The following CBFA2T2 variants were observed in gnomAD, a reference collection of about 807,000 sequenced individuals.
CBFA2T2 encodes CBFA2/RUNX1 partner transcriptional co-repressor 2, also known as protein CBFA2T2.
CBFA2T2 carries 11 observed loss-of-function variants against 62.2 expected under a neutral mutation model. That is an observed-to-expected ratio of 0.18 (90% CI 0.11 to 0.29). The LOEUF (loss-of-function observed/expected upper bound fraction) is 0.29. CBFA2T2 is among the 10% of genes least tolerant of loss of function. The pLI is 1.00. For missense variants in CBFA2T2, 592 were observed against 774.1 expected (o/e 0.76, Z 2.79); for synonymous variants, 295 against 287.5 (o/e 1.03, Z -0.27).
chr20:33,598,845 T>C (rs1166316974), intron 1 of CBFA2T2, among the ~76,000 whole-genome samples: 2 of 152,266 alleles, frequency 1.3e-5, no homozygotes, highest in Non-Finnish European at 2.9e-5. Context: ...ATCCACCTTC[T>C]TCTGCCATGG....
chr20:33,490,935 C>G (rs1261650404), intron 1 of CBFA2T2, among the ~76,000 whole-genome samples: 2 of 152,218 alleles, frequency 1.3e-5, no homozygotes, highest in African/African-American at 4.8e-5. Flanking sequence ...TTGTAATCGT[C>G]CTTTATTAAT....
chr20:33,632,679 C>A (rs1380308983), intron 8 of CBFA2T2, among the ~76,000 whole-genome samples: 2 of 151,178 alleles, frequency 1.3e-5, no homozygotes, highest in Admixed American at 6.6e-5. Flanking sequence ...CAATTCCTAA[C>A]CTTGTGATCC....
chr20:33,590,808 G>C (rs149954069), intron 1 of CBFA2T2, among the ~76,000 whole-genome samples: 4 of 152,050 alleles, frequency 2.6e-5, no homozygotes, highest in Non-Finnish European at 5.9e-5. Context: ...CTTTCTTTGC[G>C]CTGGGGGAAT....
rs1600933146 is a variant in CBFA2T2 at position 33,529,118 on chromosome 20, C to T, written c.34+38817C>T. 2.6e-5 allele frequency among the ~76,000 whole-genome samples: 4 copies of T among 152,136 alleles called. No individual in the cohort carries two copies. In the South Asian group the frequency reaches 6.2e-4, roughly 24 times the overall value. On this transcript the variant is annotated intron_variant, in intron 1 of 10. Transcript: ENST00000342704. Reference sequence around the variant, plus strand: ...TCAGTTCACTGCAAGCTCCGCCTACCGGGTTTACGCCATTCTCCTGCCTCA... The same window carrying T: ...TCAGTTCACTGCAAGCTCCGCCTACTGGGTTTACGCCATTCTCCTGCCTCA...
chr20:33,617,443 C>T (rs1051077748), intron 3 of CBFA2T2, among the ~76,000 whole-genome samples: 10 of 152,188 alleles, frequency 6.6e-5, no homozygotes, highest in Non-Finnish European at 1.3e-4. Flanking sequence ...GTTTATCCCT[C>T]TCATACAGGA....
chr20:33,582,476 G>A (rs1391877125), intron 1 of CBFA2T2, among the ~76,000 whole-genome samples: 3 of 149,328 alleles, frequency 2.0e-5, no homozygotes, highest in African/African-American at 4.9e-5. Flanking sequence ...CAACAAGAGC[G>A]AAACTCTATC....
chr20:33,495,133 C>T (rs199709876), intron 1 of CBFA2T2, among the ~76,000 whole-genome samples: 2 of 151,752 alleles, frequency 1.3e-5, no homozygotes, highest in African/African-American at 2.4e-5. Flanking sequence ...TATGGTGGCT[C>T]GCGCCTGTAA....
chr20:33,547,450 C>G (rs991041894), intron 1 of CBFA2T2, among the ~76,000 whole-genome samples: 3 of 152,118 alleles, frequency 2.0e-5, no homozygotes, highest in Non-Finnish European at 2.9e-5. Context: ...TGCCTGTAAT[C>G]CCAGCACTTT....
chr20:33,579,412 A>G (rs1312218049), intron 1 of CBFA2T2, among the ~76,000 whole-genome samples: 1 of 151,344 alleles, frequency 6.6e-6, no homozygotes, highest in Non-Finnish European at 1.5e-5. Context: ...GAAAACTTTA[A>G]TTTTCGTGAA....
chr20:33,538,418 C>T (rs1040667933), intron 1 of CBFA2T2, among the ~76,000 whole-genome samples: 3 of 151,948 alleles, frequency 2.0e-5, no homozygotes, highest in Non-Finnish European at 2.9e-5. Context: ...CTCACCCAGA[C>T]TGGAGTGCAG....
rs146671653 is a variant in CBFA2T2 at position 33,555,390 on chromosome 20, C to T, written c.35-51566C>T. Among the ~76,000 whole-genome samples, 470 of 152,272 alleles carry T rather than the reference C, an allele frequency of 3.1e-3. 5 individuals carry two copies. The highest frequency in any genetic ancestry group is 1.5e-3 in the Non-Finnish European group (100 of 68,028). Reference sequence around the variant, plus strand: ...ACTGACACACATGTTCACTTAATACCCACAAGAGTGTCTTCACACTTTTTT... The same window carrying T: ...ACTGACACACATGTTCACTTAATACTCACAAGAGTGTCTTCACACTTTTTT... On this transcript the variant is annotated intron_variant, in intron 1 of 10. Coordinates refer to ENST00000342704, the MANE Select transcript of CBFA2T2 (RefSeq NM_001032999.3).
intron 1 of CBFA2T2, among the ~76,000 whole-genome samples, chr20:33,541,792 T>C (rs1232394793): frequency 6.6e-6 from 1 of 152,230 alleles, no homozygotes; most frequent in Non-Finnish European, 1.5e-5. Context: ...CTTGTTACTT[T>C]TTATTATATC....
chr20:33,642,254 G>A (rs990192361), intron 10 of CBFA2T2, among the ~76,000 whole-genome samples: 1 of 151,786 alleles, frequency 6.6e-6, no homozygotes, highest in Non-Finnish European at 1.5e-5. Context: ...CCTAAGAGCT[G>A]GGATTACAGG....
At chr20:33,611,392 G>A in intron 3 of CBFA2T2, 57 bp downstream of exon 3, 2 of 1,595,172 alleles carry the variant, frequency 1.3e-6, no homozygotes, top group South Asian at 1.1e-5. Flanking sequence ...CAGGTCCAAA[G>A]CGAGCAAAGT....
chr20:33,632,783 G>T (rs2016499795), intron 8 of CBFA2T2, among the ~76,000 whole-genome samples: 1 of 150,688 alleles, frequency 6.6e-6, no homozygotes, highest in African/African-American at 2.4e-5. Context: ...TAGTGTTTTT[G>T]TTTGAGACGG....
At position 33,527,707 on chromosome 20, in the gene CBFA2T2, T is replaced by C. The variant is rs185799123; in HGVS notation, c.34+37406T>C. The stretch of plus-strand genomic sequence containing the variant: ...ATTGTTTTTTCTTTTCTTTTCTTTT[T>C]TTTTTGTTGTATTTTTAGTAGAGAC... On this transcript the variant is annotated intron_variant, in intron 1 of 10. Coordinates refer to ENST00000342704, the MANE Select transcript of CBFA2T2 (RefSeq NM_001032999.3). Among the ~76,000 whole-genome samples the C allele has an allele frequency of 4.0e-3, 600 of 151,766 alleles. 3 individuals carry two copies. Among genetic ancestry groups the C allele is most frequent in the African/African-American group, 7.9e-3 (326 of 41,342 alleles).
intron 4 of CBFA2T2, among the ~76,000 whole-genome samples, chr20:33,620,291 T>C (rs1417464974): frequency 1.3e-5 from 2 of 151,936 alleles, no homozygotes; most frequent in Non-Finnish European, 2.9e-5. Context: ...GTGGATTGCA[T>C]GAGCTCAGGA....
intron 1 of CBFA2T2, among the ~76,000 whole-genome samples, chr20:33,545,049 C>T (rs2012513062): frequency 6.8e-6 from 1 of 147,590 alleles, no homozygotes; most frequent in African/African-American, 2.6e-5. Context: ...GCAGTCCCAA[C>T]TCTCATGAAG....
intron 1 of CBFA2T2, among the ~76,000 whole-genome samples, chr20:33,605,623 A>G (rs1772422623): frequency 6.6e-6 from 1 of 152,190 alleles, no homozygotes; most frequent in African/African-American, 2.4e-5. Context: ...GTATTATCAA[A>G]CAACTGCCTA....
Sources: gnomAD v4.1 joint callset for allele counts (sites outside exome capture counted in the v4.1 genomes callset) on GRCh38, gnomAD v4.1.1 for gene constraint, MANE v1.5 for transcripts, NCBI Gene and HGNC (gene_info 2026-07-23, HGNC 2026-07-21) for gene names.